NPAS3: variants seen among roughly 807,000 people sequenced by gnomAD.
The protein encoded by NPAS3 is neuronal PAS domain-containing protein 3.
A neutral mutation model predicts 73.1 loss-of-function variants in NPAS3; 14 were observed. The ratio of observed to expected loss-of-function variants is 0.19; its 90% CI spans 0.13 to 0.30. NPAS3 has a LOEUF of 0.30. Ranked by LOEUF, NPAS3 falls within the 10% of genes least tolerant of loss-of-function variation. The pLI is 1.00. For missense variants in NPAS3, 1,096 were observed against 1,250.0 expected, an observed-to-expected ratio of 0.88 and a Z score of 1.86; for synonymous variants, 620 against 541.5, an observed-to-expected ratio of 1.14 and a Z score of -2.01.
At chr14:33,013,949 A>G (rs2039302241) in intron 1 of NPAS3, among the ~76,000 whole-genome samples, 1 of 152,162 alleles carries the variant, frequency 6.6e-6, no homozygotes, top group Admixed American at 6.5e-5. Context: ...CAACATGGAA[A>G]TGTCACAATA....
chr14:33,779,360 A>G (rs1325562096), intron 9 of NPAS3, among the ~76,000 whole-genome samples: 1 of 152,154 alleles, frequency 6.6e-6, no homozygotes, highest in East Asian at 1.9e-4. Flanking sequence ...TGACTAGAGC[A>G]CTGATCTGGT....
At chr14:33,083,851 C>T (rs750453856) in intron 2 of NPAS3, among the ~76,000 whole-genome samples, 5 of 152,140 alleles carry the variant, frequency 3.3e-5, no homozygotes, top group Admixed American at 6.5e-5. Flanking sequence ...ACCTCTCTAT[C>T]CACAGTAATT....
At chr14:33,390,965 T>G (rs999217467) in intron 4 of NPAS3, among the ~76,000 whole-genome samples, 2 of 152,192 alleles carry the variant, frequency 1.3e-5, no homozygotes, top group Non-Finnish European at 2.9e-5. Context: ...TCCTGTACTT[T>G]CTTTTACAAA....
At chr14:33,363,280 T>A (rs763811022) in intron 3 of NPAS3, among the ~76,000 whole-genome samples, 3 of 152,146 alleles carry the variant, frequency 2.0e-5, no homozygotes, top group South Asian at 2.1e-4. Context: ...TGCACTGAAT[T>A]AATTCTCAGA....
intron 2 of NPAS3, among the ~76,000 whole-genome samples, chr14:33,091,369 C>G (rs561035115): frequency 6.6e-6 from 1 of 152,184 alleles, no homozygotes; most frequent in East Asian, 1.9e-4. Flanking sequence ...CACCTCTACA[C>G]AAATAAACTA....
At chr14:33,684,319 A>AT (rs769685071) in intron 6 of NPAS3, among the ~76,000 whole-genome samples, 1 of 145,100 alleles carries the variant, frequency 6.9e-6, no homozygotes, top group Non-Finnish European at 1.5e-5. Context: ...TTTTCTTTTT[A>AT]TTTTTTTGAG....
chr14:33,793,650 T>C (rs1257583659), intron 9 of NPAS3, among the ~76,000 whole-genome samples: 3 of 152,186 alleles, frequency 2.0e-5, no homozygotes. Flanking sequence ...TTTCACACCA[T>C]GGCTGCCCAA....
chr14:33,766,937 T>C (rs573475533), intron 7 of NPAS3, among the ~76,000 whole-genome samples: 3 of 152,290 alleles, frequency 2.0e-5, no homozygotes, highest in South Asian at 2.1e-4. Flanking sequence ...ACAAAGCCTA[T>C]AGTTTTAGTT....
intron 5 of NPAS3, among the ~76,000 whole-genome samples, chr14:33,654,678 G>T (rs2059093434): frequency 6.6e-6 from 1 of 152,116 alleles, no homozygotes; most frequent in East Asian, 1.9e-4. Flanking sequence ...ACCACACCAT[G>T]CTGCTGACTA....
intron 2 of NPAS3, among the ~76,000 whole-genome samples, chr14:33,115,313 A>C (rs539600068): frequency 1.8e-4 from 27 of 152,288 alleles, no homozygotes; most frequent in Admixed American, 1.7e-3. Flanking sequence ...AGTAAGGATT[A>C]GGAAGGAGGT....
chr14:33,426,861 C>G (rs113655463), intron 4 of NPAS3, among the ~76,000 whole-genome samples: 7 of 152,144 alleles, frequency 4.6e-5, no homozygotes, highest in African/African-American at 1.7e-4. Context: ...GAAGGTGTCA[C>G]ATTTGCAGTG....
chr14:33,039,844 A>G (rs2040293593), intron 1 of NPAS3, among the ~76,000 whole-genome samples: 1 of 152,218 alleles, frequency 6.6e-6, no homozygotes, highest in Non-Finnish European at 1.5e-5. Context: ...AGGCCTTTAA[A>G]TTAATCTGGC....
At chr14:33,442,682 G>A (rs1418715109) in intron 4 of NPAS3, among the ~76,000 whole-genome samples, 1 of 152,300 alleles carries the variant, frequency 6.6e-6, no homozygotes, top group Non-Finnish European at 1.5e-5. Context: ...ATTGTGCCAT[G>A]ATTGTAAGTT....
intron 3 of NPAS3, among the ~76,000 whole-genome samples, chr14:33,358,689 T>C (rs2045454262): frequency 6.6e-6 from 1 of 152,220 alleles, no homozygotes; most frequent in African/African-American, 2.4e-5. Flanking sequence ...TCTGATGATC[T>C]GGAGGGTTAG....
intron 4 of NPAS3, among the ~76,000 whole-genome samples, chr14:33,405,579 A>G (rs1037674877): frequency 3.3e-5 from 5 of 152,104 alleles, no homozygotes; most frequent in Non-Finnish European, 7.4e-5. Context: ...AACATCTTTT[A>G]CTAACTCCAG....
At chr14:33,705,991 T>C (rs1323517702) in intron 6 of NPAS3, among the ~76,000 whole-genome samples, 1 of 152,212 alleles carries the variant, frequency 6.6e-6, no homozygotes, top group Non-Finnish European at 1.5e-5. Context: ...TACAGTGATG[T>C]GTTATTAGCC....
rs185000914 is a variant in NPAS3 at position 33,694,446 on chromosome 14, A to G, written c.733+18061A>G. ...AAGGACCTTAGGAAGGAACCTGCGTATAACATTTCCTCTCCTGGTGTGATT... is the reference window on the plus strand; with the variant it reads ...AAGGACCTTAGGAAGGAACCTGCGTGTAACATTTCCTCTCCTGGTGTGATT... On this transcript the variant is annotated intron_variant, in intron 6 of 11. Coordinates refer to ENST00000356141, the Ensembl canonical transcript of NPAS3. Among the ~76,000 whole-genome samples, 716 of 152,300 alleles carry G rather than the reference A, an allele frequency of 4.7e-3. 6 individuals are homozygous for G. Among genetic ancestry groups the G allele is most frequent in the Non-Finnish European group, 7.2e-3 (493 of 68,028 alleles).
chr14:33,120,376 T>C (rs891981481), intron 2 of NPAS3, among the ~76,000 whole-genome samples: 15 of 152,130 alleles, frequency 9.9e-5, no homozygotes, highest in Non-Finnish European at 1.5e-4. Flanking sequence ...GCTTACAAGA[T>C]GGATACTCTG....
At position 33,735,920 on chromosome 14, in the gene NPAS3, T is replaced by A. The variant is rs373660073; in HGVS notation, c.852+588T>A. ...GCAAAGACCAAGTCCACAGTCAAAA[T>A]CTACATTATCATCATTTTAAGGTTA... On this transcript the variant is annotated intron_variant, in intron 7 of 11. Coordinates refer to ENST00000356141, the Ensembl canonical transcript of NPAS3. Among the ~76,000 whole-genome samples, 6 of 152,312 alleles carry A rather than the reference T, an allele frequency of 3.9e-5. No homozygotes were observed. The South Asian group carries it at 1.0e-3, about 26-fold the overall frequency.
Sources: gnomAD v4.1 joint callset for allele counts (sites outside exome capture counted in the v4.1 genomes callset) on GRCh38, gnomAD v4.1.1 for gene constraint, MANE v1.5 for transcripts, NCBI Gene and HGNC (gene_info 2026-07-23, HGNC 2026-07-21) for gene names.